The following EPSTI1 variants were observed in gnomAD, a reference collection of about 807,000 sequenced individuals.
The protein encoded by EPSTI1 is epithelial-stromal interaction protein 1.
A neutral mutation model predicts 49.9 loss-of-function variants in EPSTI1; 66 were observed. The observed-to-expected ratio is 1.32, with a 90% confidence interval of 1.08 to 1.62. EPSTI1 has a LOEUF of 1.62. Among genes scored for constraint, EPSTI1 ranks in the 40% most tolerant of loss-of-function variants. The pLI is 0.00. For synonymous variants in EPSTI1, 137 were observed against 130.7 expected (o/e 1.05, Z -0.33); for missense variants, 394 against 365.5 (o/e 1.08, Z -0.64).
chr13:42,936,863 T>C (rs999372519), intron 6 of EPSTI1, among the ~76,000 whole-genome samples: 1 of 152,204 alleles, frequency 6.6e-6, no homozygotes, highest in Non-Finnish European at 1.5e-5. Context: ...TTCCCAAACC[T>C]TGGTTTTCAC....
At chr13:42,889,091 A>G (rs2036951888) in intron 10 of EPSTI1, 1 of 811,130 alleles carries the variant, frequency 1.2e-6, no homozygotes, top group African/African-American at 1.8e-5. Context: ...CTCATTGGTC[A>G]TAGGAAATGC....
At position 42,959,225 on chromosome 13, in the gene EPSTI1, CAT is replaced by C. The variant is rs533622404; in HGVS notation, c.489+4028_489+4029del. Among the ~76,000 whole-genome samples, 16 of 152,270 alleles carry C rather than the reference CAT, an allele frequency of 1.1e-4. No individual in the cohort carries two copies. In the South Asian group the frequency reaches 2.3e-3, roughly 22 times the overall value. On this transcript the variant is annotated intron_variant, in intron 5 of 10. Coordinates refer to ENST00000313624, the MANE Select transcript of EPSTI1 (RefSeq NM_033255.5). ...CTATCAGCCTACACTCTTAGTACCA[CAT>C]GTTTATTTTAGAGATACTAACATTA...
At chr13:42,899,363 A>G (rs1371372730) in intron 9 of EPSTI1, among the ~76,000 whole-genome samples, 1 of 152,178 alleles carries the variant, frequency 6.6e-6, no homozygotes, top group Non-Finnish European at 1.5e-5. Context: ...CTTAAATAAG[A>G]GAAAAAACAT....
At chr13:42,898,293 T>C (rs2037254388) in intron 9 of EPSTI1, among the ~76,000 whole-genome samples, 1 of 152,226 alleles carries the variant, frequency 6.6e-6, no homozygotes. Context: ...ACACACACAC[T>C]ATATAGCTTG....
intron 5 of EPSTI1, among the ~76,000 whole-genome samples, chr13:42,958,654 A>G (rs1300775822): frequency 1.3e-5 from 2 of 152,208 alleles, no homozygotes; most frequent in African/African-American, 4.8e-5. Context: ...GAGAAAAATA[A>G]AGATACTTAA....
intron 7 of EPSTI1, chr13:42,919,236 G>T: frequency 6.7e-7 from 1 of 1,494,790 alleles, no homozygotes; most frequent in Non-Finnish European, 9.3e-7. Flanking sequence ...ACAGAAACTG[G>T]GAAGTCACAT....
chr13:42,913,501 G>A (rs2037745183), intron 8 of EPSTI1, among the ~76,000 whole-genome samples: 1 of 151,978 alleles, frequency 6.6e-6, no homozygotes, highest in African/African-American at 2.4e-5. Flanking sequence ...CTAAAATGTA[G>A]GCTTCCCTTA....
At chr13:42,937,639 T>C (rs1037058158) in intron 6 of EPSTI1, among the ~76,000 whole-genome samples, 1 of 152,240 alleles carries the variant, frequency 6.6e-6, no homozygotes, top group Non-Finnish European at 1.5e-5. Flanking sequence ...CGTTGAAGTT[T>C]GATCATAAGA....
chr13:42,933,857 C>T (rs2038465761), intron 6 of EPSTI1: 1 of 152,754 alleles, frequency 6.5e-6, no homozygotes, highest in Non-Finnish European at 1.5e-5. Flanking sequence ...TACCCCCCTG[C>T]ATGGACTTCC....
At chr13:42,896,678 C>T (rs2037198501) in intron 9 of EPSTI1, among the ~76,000 whole-genome samples, 1 of 152,216 alleles carries the variant, frequency 6.6e-6, no homozygotes. Context: ...GAAATGTCTT[C>T]CTTTTGCTTA....
intron 10 of EPSTI1, chr13:42,889,339 C>A: frequency 1.3e-6 from 1 of 781,238 alleles, no homozygotes; most frequent in South Asian, 2.1e-5. Context: ...TTTAAATTAA[C>A]AATGATTAAA....
At chr13:42,908,484 G>GAAAAAA (rs140923122) in intron 8 of EPSTI1, among the ~76,000 whole-genome samples, 1 of 113,350 alleles carries the variant, frequency 8.8e-6, no homozygotes. Context: ...ACTCTGTTAT[G>GAAAAAA]AAAAAAAAAA....
intron 7 of EPSTI1, among the ~76,000 whole-genome samples, chr13:42,924,680 C>G (rs923133479): frequency 6.6e-6 from 1 of 152,176 alleles, no homozygotes. Flanking sequence ...TCAACTCTTT[C>G]CCCCAGAGCC....
rs766844574 is a variant in EPSTI1 at position 42,919,314 on chromosome 13, T to C, written c.658-1690A>G. 8 of 1,613,600 alleles carry C rather than the reference T, an allele frequency of 5.0e-6. No individual in the cohort carries two copies. The Admixed American group carries it at 6.7e-5, about 13-fold the overall frequency. ...TGTTTGCTTACCCAGCTGTGATCCC[T>C]AGGCAGGATAGGAAGTTTCTGTTCA... On this transcript the variant is annotated intron_variant, in intron 7 of 10. Coordinates refer to ENST00000313624, the MANE Select transcript of EPSTI1 (RefSeq NM_033255.5).
intron 6 of EPSTI1, among the ~76,000 whole-genome samples, chr13:42,928,735 T>C (rs967590549): frequency 8.5e-5 from 13 of 152,220 alleles, no homozygotes; most frequent in Non-Finnish European, 1.0e-4. Flanking sequence ...AAAATTTACA[T>C]TCTCCTCTTC....
chr13:42,964,061 C>G lies in EPSTI1; in HGVS notation c.405+5G>C. 6.2e-7 allele frequency: 1 copy of G among 1,611,622 alleles called. No homozygotes were observed. The highest frequency in any genetic ancestry group is 8.5e-7 in the Non-Finnish European group (1 of 1,178,740). ...AAAATTCAACTAAAAGAGATGAATT[C>G]TGACCTTTTGCTTGTATTTAGATTG... is the stretch of plus-strand genomic sequence containing the variant. On this transcript the variant is annotated splice_donor_5th_base_variant and intron_variant, in intron 4 of 10. Coordinates refer to ENST00000313624, the MANE Select transcript of EPSTI1 (RefSeq NM_033255.5).
intron 1 of EPSTI1, among the ~76,000 whole-genome samples, chr13:42,985,673 G>A (rs2040065422): frequency 6.6e-6 from 1 of 152,150 alleles, no homozygotes; most frequent in Admixed American, 6.5e-5. Context: ...GTTCTGCATG[G>A]GCCAGGAATA....
chr13:42,981,122 G>C (rs566435892), intron 1 of EPSTI1, among the ~76,000 whole-genome samples: 1 of 152,170 alleles, frequency 6.6e-6, no homozygotes, highest in South Asian at 2.1e-4. Context: ...TTTGCAGGGG[G>C]TGGGGGACAG....
intron 6 of EPSTI1, among the ~76,000 whole-genome samples, chr13:42,939,343 C>T (rs2038676025): frequency 6.6e-6 from 1 of 152,194 alleles, no homozygotes; most frequent in African/African-American, 2.4e-5. Context: ...CTAACTAATG[C>T]AAGAGGTCTA....
Sources: gnomAD v4.1 joint callset for allele counts (sites outside exome capture counted in the v4.1 genomes callset) on GRCh38, gnomAD v4.1.1 for gene constraint, MANE v1.5 for transcripts, NCBI Gene and HGNC (gene_info 2026-07-23, HGNC 2026-07-21) for gene names.